DISP3: variants seen among roughly 807,000 people sequenced by gnomAD.
DISP3 encodes the protein protein dispatched homolog 3.
In DISP3, 101 loss-of-function variants were observed where a neutral mutation model predicts 135.3. The ratio of observed to expected loss-of-function variants is 0.75; its 90% CI spans 0.64 to 0.88. The LOEUF is 0.88. DISP3 is among the 40% of genes least tolerant of loss of function. The pLI, the probability that DISP3 is intolerant of heterozygous loss-of-function variation, is 0.00. For synonymous variants in DISP3, 856 were observed against 817.0 expected (o/e 1.05, Z -0.81); for missense variants, 1,713 against 1,878.6 (o/e 0.91, Z 1.63).
At chr1:11,518,285 T>G (rs1048619666) in intron 7 of DISP3, among the ~76,000 whole-genome samples, 3 of 152,196 alleles carry the variant, frequency 2.0e-5, no homozygotes, top group Non-Finnish European at 4.4e-5. Flanking sequence ...TCGCCCATGG[T>G]GAGCCCCAGA....
intron 1 of DISP3, among the ~76,000 whole-genome samples, chr1:11,500,381 C>A (rs558541069): frequency 1.3e-5 from 2 of 152,336 alleles, no homozygotes; most frequent in South Asian, 4.1e-4. Context: ...CAGAGTACTT[C>A]CACCTTTGAC....
chr1:11,500,707 A>G (rs905071888), intron 1 of DISP3, among the ~76,000 whole-genome samples: 7 of 152,136 alleles, frequency 4.6e-5, no homozygotes, highest in African/African-American at 1.2e-4. Context: ...CAGGAGAAAC[A>G]TCTTTTCTGT....
In DISP3 at chr1:11,534,935, A is replaced by G. The variant is rs916097183; in HGVS notation, c.3536-76A>G. 4.6e-6 allele frequency: 6 copies of G among 1,314,682 alleles called. No individual in the cohort carries two copies. In the African/African-American group the frequency reaches 8.7e-5, roughly 19 times the overall value. 81.4% of individuals were successfully genotyped at this position (1,314,682 alleles called of 1,614,324 possible). On this transcript the variant is annotated intron_variant, in intron 18 of 20. Transcript: ENST00000294484. ...TGGGAGTCGGAGTCTCAGAGAGGTC[A>G]AGGGCTCACCCCAGCAGCACAGCTT...
In DISP3 at chr1:11,519,448, C is replaced by T. The variant is rs1429484863; in HGVS notation, c.1983C>T (p.Gly661=). 3 of 1,613,542 alleles carry T rather than the reference C, an allele frequency of 1.9e-6. No homozygotes were observed. Among genetic ancestry groups the T allele is most frequent in the African/African-American group, 2.7e-5 (2 of 74,930 alleles). ...PEQVGGSPAQ[G]PIPYLDDDIP... is the part of the protein sequence containing the mutation. ...AGGTTGGAGGCAGCCCTGCCCAGGGCCCCATACCCTACCTGGATGATGACA... is the reference window on the plus strand; with the variant it reads ...AGGTTGGAGGCAGCCCTGCCCAGGGTCCCATACCCTACCTGGATGATGACA... Residue 661 remains glycine, a synonymous_variant, in exon 8 of 21, where the codon GGC becomes GGT. Coordinates refer to ENST00000294484, the MANE Select transcript of DISP3 (RefSeq NM_020780.2). This position sits in a 1 kb window ranked among gnomAD's most constrained non-coding sequence, Gnocchi z 4.3.
At chr1:11,526,273 C>A (rs1642416642) in intron 12 of DISP3, among the ~76,000 whole-genome samples, 1 of 152,222 alleles carries the variant, frequency 6.6e-6, no homozygotes, top group African/African-American at 2.4e-5. Context: ...TGCCCCGGCG[C>A]CTTTCTCGCC....
chr1:11,537,281 C>T lies in DISP3; in HGVS notation c.*595C>T, dbSNP rs1642734887. The T allele has an allele frequency of 6.6e-6, 1 of 152,560 alleles. No homozygotes were observed. Among genetic ancestry groups the T allele is most frequent in the Non-Finnish European group, 1.5e-5 (1 of 68,428 alleles). The allele number at this position is 152,560 out of a possible 1,614,324, so 9.5% of individuals were successfully genotyped here. A position where few individuals can be genotyped will look rare whatever the true frequency, so the allele number is the denominator to read the frequency against. The stretch of plus-strand genomic sequence containing the variant: ...CAGTGCTGAATGGCCCTGTGGCCCT[C>T]CCTGGGCCTTTTGGTCTTGGCCAGA... On this transcript the variant is annotated 3_prime_UTR_variant, in exon 21 of 21. Transcript: ENST00000294484.
chr1:11,494,995 T>C (rs566076807), intron 1 of DISP3, among the ~76,000 whole-genome samples: 11 of 151,596 alleles, frequency 7.3e-5, no homozygotes, highest in African/African-American at 2.7e-4. Context: ...GGCCTGGGGG[T>C]GTTTTTGAGG....
chr1:11,482,112 A>G (rs1640920030), intron 1 of DISP3, among the ~76,000 whole-genome samples: 1 of 152,184 alleles, frequency 6.6e-6, no homozygotes, highest in Non-Finnish European at 1.5e-5. Flanking sequence ...CTCTGCTAGT[A>G]TAGACATACT....
chr1:11,519,697 G>T lies in DISP3; in HGVS notation c.2039-22G>T. On this transcript the variant is annotated intron_variant, in intron 8 of 20. Coordinates refer to ENST00000294484, the MANE Select transcript of DISP3 (RefSeq NM_020780.2). This position sits in a 1 kb window ranked among gnomAD's most constrained non-coding sequence, Gnocchi z 4.3. Reference sequence around the variant, plus strand: ...GTGGGCTTTGATTCAGGCTCTGACGGGCCACTGCTCTGCCCTGGCAGTGTC... The same window carrying T: ...GTGGGCTTTGATTCAGGCTCTGACGTGCCACTGCTCTGCCCTGGCAGTGTC... 1 of 1,606,866 alleles carries T rather than the reference G, an allele frequency of 6.2e-7. No homozygotes were observed. The highest frequency in any genetic ancestry group is 8.5e-7 in the Non-Finnish European group (1 of 1,176,306).
chr1:11,526,950 T>A, intron 13 of DISP3, 115 bp downstream of exon 13: 6 of 1,287,540 alleles, frequency 4.7e-6, no homozygotes, highest in Non-Finnish European at 6.2e-6. Flanking sequence ...CTCACTTTTT[T>A]TTTTTTTTCT....
At chr1:11,484,451 C>T (rs1179136765) in intron 1 of DISP3, among the ~76,000 whole-genome samples, 2 of 152,180 alleles carry the variant, frequency 1.3e-5, no homozygotes, top group Admixed American at 6.5e-5. Context: ...GCATGTGTAC[C>T]AGCAGAGGCT....
Position 11,519,352 on chromosome 1 carries a change from C to A in DISP3, c.1890-3C>A, listed in dbSNP as rs201006861. 6.8e-6 allele frequency: 11 copies of A among 1,613,464 alleles called. No homozygotes were observed. In the African/African-American group the frequency reaches 1.5e-4, roughly 22 times the overall value. On this transcript the variant is annotated splice_polypyrimidine_tract_variant and splice_region_variant and intron_variant, in intron 7 of 20. Coordinates refer to ENST00000294484, the MANE Select transcript of DISP3 (RefSeq NM_020780.2). The surrounding 1 kb of genome is among the most constrained non-coding windows in gnomAD (Gnocchi z 4.3). ...TCACCCCTGTCCCCTACTCTCTCCA[C>A]AGCTGCCACCAGAATTGCAGCCGGA...
In DISP3 at chr1:11,501,532, C is replaced by G. The variant is rs1213338984; in HGVS notation, c.540C>G (p.Leu180=). The G allele has an allele frequency of 6.3e-7, 1 of 1,599,502 alleles. No homozygotes were observed. The change falls in exon 2 of 21, where the codon CTC becomes CTG. Residue 180 remains leucine (L), a synonymous_variant. Coordinates refer to ENST00000294484, the MANE Select transcript of DISP3 (RefSeq NM_020780.2). This position sits in a 1 kb window ranked among gnomAD's most constrained non-coding sequence, Gnocchi z 4.9. ...RAPRVIPAAS[L]GGPGPYRDTS... is the part of the protein sequence containing the mutation. The stretch of plus-strand genomic sequence containing the variant: ...CCCGCGTCATCCCCGCGGCCTCACT[C>G]GGTGGCCCAGGCCCTTACCGGGACA...
chr1:11,517,068 C>T (rs2072997), intron 6 of DISP3, among the ~76,000 whole-genome samples: 21,578 of 152,240 alleles, frequency 0.14, 1,866 homozygotes, highest in East Asian at 0.46. Flanking sequence ...GTCCCTGCCT[C>T]CGTCATGTGG....
chr1:11,481,078 C>T (rs1393889576), intron 1 of DISP3, among the ~76,000 whole-genome samples: 4 of 151,738 alleles, frequency 2.6e-5, no homozygotes, highest in Non-Finnish European at 2.9e-5. Context: ...CACATACACA[C>T]ACACACACGC....
Position 11,537,299 on chromosome 1 carries a change from TG to T in DISP3, c.*615del, listed in dbSNP as rs1486221854. 6.6e-6 allele frequency: 1 copy of T among 152,422 alleles called. No individual in the cohort carries two copies. Among genetic ancestry groups the T allele is most frequent in the African/African-American group, 2.4e-5 (1 of 41,430 alleles). 9.4% of individuals were successfully genotyped at this position (152,422 alleles called of 1,614,324 possible). A position where few individuals can be genotyped will look rare whatever the true frequency, so the allele number is the denominator to read the frequency against. ...TGGCCCTCCCTGGGCCTTTTGGTCT[TG>T]GCCAGAGAAGACAGAAGGACCCGGC... On this transcript the variant is annotated 3_prime_UTR_variant, in exon 21 of 21. Transcript: ENST00000294484.
At chr1:11,533,059 T>A (rs542451913) in intron 17 of DISP3, among the ~76,000 whole-genome samples, 1 of 152,114 alleles carries the variant, frequency 6.6e-6, no homozygotes, top group East Asian at 1.9e-4. Context: ...CACACTGTTA[T>A]GCAACCATTA....
rs770662011 is a variant in DISP3, at chr1:11,501,896, G to A, written c.904G>A (p.Glu302Lys). ...GCGCCTGGTCACGATCCATGAGATC[G>A]AGCGCAAGATCATGGACCACCCAGG... ...SERLVTIHEI[E>K]RKIMDHPGFR... is the part of the protein sequence containing the mutation. Residue 302 changes from glutamate (E) to lysine (K), a missense_variant, in exon 2 of 21, where the codon GAG (glutamate) becomes AAG (lysine). Transcript: ENST00000294484. The surrounding 1 kb of genome is among the most constrained non-coding windows in gnomAD (Gnocchi z 4.9). 3 of 1,613,260 alleles carry A rather than the reference G, an allele frequency of 1.9e-6. No homozygotes were observed. Among genetic ancestry groups the A allele is most frequent in the Non-Finnish European group, 2.5e-6 (3 of 1,179,754 alleles).
At position 11,499,013 on chromosome 1, in the gene DISP3, CT is replaced by C. The variant is rs1295707357; in HGVS notation, c.-3-1975del. ...AAAATCTAGTGAGGATGGCGAGAAG[CT>C]TAGACAGGAAGCTGGGGGGTTCAGA... On this transcript the variant is annotated intron_variant, in intron 1 of 20. Coordinates refer to ENST00000294484, the MANE Select transcript of DISP3 (RefSeq NM_020780.2). This position sits in a 1 kb window ranked among gnomAD's most constrained non-coding sequence, Gnocchi z 5.2. Among the ~76,000 whole-genome samples the C allele has an allele frequency of 6.6e-5, 10 of 152,296 alleles. No homozygotes were observed. The highest frequency in any genetic ancestry group is 2.4e-4 in the African/African-American group (10 of 41,556).
Sources: gnomAD v4.1 joint callset for allele counts (sites outside exome capture counted in the v4.1 genomes callset) on GRCh38, gnomAD v4.1.1 for gene constraint, Gnocchi (gnomAD v3.1) non-coding constraint, MANE v1.5 for transcripts, NCBI Gene and HGNC (gene_info 2026-07-23, HGNC 2026-07-21) for gene names.